Variants in KRR1 observed in about 807,000 individuals in gnomAD.
The protein encoded by KRR1 is KRR1 small subunit processome component homolog.
In KRR1, 23 loss-of-function variants were observed where a neutral mutation model predicts 50.0. The observed-to-expected ratio is 0.46, with a 90% CI of 0.33 to 0.65. KRR1 has a LOEUF of 0.65. Ranked by LOEUF, KRR1 falls within the 30% of genes least tolerant of loss-of-function variation. The pLI, the probability that KRR1 is intolerant of heterozygous loss-of-function variation, is 0.02. For missense variants in KRR1, 419 were observed against 442.4 expected (o/e 0.95, Z 0.47); for synonymous variants, 133 against 146.3 (o/e 0.91, Z 0.66).
chr12:75,499,619 T>G lies in KRR1; in HGVS notation c.*190A>C, dbSNP rs1056904. 87,140 of 345,396 alleles carry G rather than the reference T, an allele frequency of 0.25. 11,941 individuals carry two copies. Among genetic ancestry groups the G allele is most frequent in the South Asian group, 0.36 (5,236 of 14,694 alleles). 21.4% of individuals were successfully genotyped at this position (345,396 alleles called of 1,614,324 possible). On this transcript the variant is annotated 3_prime_UTR_variant, in exon 10 of 10. Transcript: ENST00000229214. ...ATGTATACAAAGACTTATATACCAC[T>G]TTCTCGTATAAATTTTTCAAAAAAT...
At position 75,494,446 on chromosome 12, in the gene KRR1, C is replaced by G. The variant is rs73356182; in HGVS notation, c.*5363G>C. The G allele has an allele frequency of 1.8e-4, 27 of 152,256 alleles. No homozygotes were observed. Among genetic ancestry groups the G allele is most frequent in the African/African-American group, 5.5e-4 (23 of 41,562 alleles). The allele number at this position is 152,256 out of a possible 1,614,324, so 9.4% of individuals were successfully genotyped here. On this transcript the variant is annotated 3_prime_UTR_variant, in exon 10 of 10. Coordinates refer to ENST00000229214, the MANE Select transcript of KRR1 (RefSeq NM_007043.7). ...CACATTCCACTTGCTGCAGAGAACTCAAAATATAGTTTGTGTTCATCACTG... is the reference window on the plus strand; with the variant it reads ...CACATTCCACTTGCTGCAGAGAACTGAAAATATAGTTTGTGTTCATCACTG...
In KRR1 at chr12:75,495,534, A is replaced by G. The variant is rs767924132; in HGVS notation, c.*4275T>C. ...ATTCATAGTAAATTGCAATTTTAAA[A>G]AACCGAAAAACTTCTAATGGACATC... On this transcript the variant is annotated 3_prime_UTR_variant, in exon 10 of 10. Coordinates refer to ENST00000229214, the MANE Select transcript of KRR1 (RefSeq NM_007043.7). 1 of 1,165,884 alleles carries G rather than the reference A, an allele frequency of 8.6e-7. No individual in the cohort carries two copies. Among genetic ancestry groups the G allele is most frequent in the Non-Finnish European group, 1.3e-6 (1 of 778,264 alleles). 72.2% of individuals were successfully genotyped at this position (1,165,884 alleles called of 1,614,324 possible).
chr12:75,494,366 A>G lies in KRR1; in HGVS notation c.*5443T>C, dbSNP rs1184029371. 1 of 152,212 alleles carries G rather than the reference A, an allele frequency of 6.6e-6. No homozygotes were observed. The highest frequency in any genetic ancestry group is 1.9e-4 in the East Asian group (1 of 5,194). 9.4% of individuals were successfully genotyped at this position (152,212 alleles called of 1,614,324 possible). On this transcript the variant is annotated 3_prime_UTR_variant, in exon 10 of 10. Coordinates refer to ENST00000229214, the MANE Select transcript of KRR1 (RefSeq NM_007043.7). The stretch of plus-strand genomic sequence containing the variant: ...AACACTCCACCATCATATTAGCAAT[A>G]AACGTGACTCTGACTTAGCAGTATC...
At chr12:75,500,460 TATTA>T (rs1461535105) in intron 9 of KRR1, 1 of 149,292 alleles carries the variant, frequency 6.7e-6, no homozygotes, top group Admixed American at 6.8e-5. Context: ...GTTTTCCAAA[TATTA>T]ATTCAATATT....
intron 1 of KRR1, among the ~76,000 whole-genome samples, chr12:75,509,927 A>C (rs983618531): frequency 6.6e-6 from 1 of 152,090 alleles, no homozygotes; most frequent in African/African-American, 2.4e-5. Flanking sequence ...TATCCAATTT[A>C]AACACTTCAA....
In KRR1 at chr12:75,495,834, TAAATGTGAA is replaced by T; in HGVS notation, c.*3966_*3974del. 1 of 439,404 alleles carries T rather than the reference TAAATGTGAA, an allele frequency of 2.3e-6. No individual in the cohort carries two copies. Among genetic ancestry groups the T allele is most frequent in the Non-Finnish European group, 4.2e-6 (1 of 240,436 alleles). The allele number at this position is 439,404 out of a possible 1,614,324, so 27.2% of individuals were successfully genotyped here. A position where few individuals can be genotyped will look rare whatever the true frequency, so the allele number is the denominator to read the frequency against. Reference sequence around the variant, plus strand: ...TCTAGGAATACATTTAAGAGAAATTTAAATGTGAAAATCACGTTCTTTTTATTTAGTTCT... The same window carrying T: ...TCTAGGAATACATTTAAGAGAAATTTAATCACGTTCTTTTTATTTAGTTCT... On this transcript the variant is annotated 3_prime_UTR_variant, in exon 10 of 10. Coordinates refer to ENST00000229214, the MANE Select transcript of KRR1 (RefSeq NM_007043.7).
In KRR1 at chr12:75,506,826, T is replaced by C; in HGVS notation, c.349A>G (p.Arg117Gly). Residue 117 changes from arginine (R) to glycine (G), a missense_variant, in exon 3 of 10, where the codon AGA becomes GGA. Coordinates refer to ENST00000229214, the MANE Select transcript of KRR1 (RefSeq NM_007043.7). ...CTTGCTAACAGTTTTATCAGATCTC[T>C]GGCCCTAATGATGATATATGGATCA... ...TFDPYIIIRA[R>G]DLIKLLARSV... 1 of 1,612,584 alleles carries C rather than the reference T, an allele frequency of 6.2e-7. No individual in the cohort carries two copies. Among genetic ancestry groups the C allele is most frequent in the Non-Finnish European group, 8.5e-7 (1 of 1,179,362 alleles).
rs936979200 is a variant in KRR1 at position 75,493,360 on chromosome 12, A to C, written c.*6449T>G. ...AAAGTTGTAGGCCCCCATTCCACAT[A>C]ATCTTAGGAAGTCCAGTATCCTCCT... On this transcript the variant is annotated 3_prime_UTR_variant, in exon 10 of 10. Coordinates refer to ENST00000229214, the MANE Select transcript of KRR1 (RefSeq NM_007043.7). 2 of 152,118 alleles carry C rather than the reference A, an allele frequency of 1.3e-5. No individual in the cohort carries two copies. Among genetic ancestry groups the C allele is most frequent in the Admixed American group, 1.3e-4 (2 of 15,268 alleles). 9.4% of individuals were successfully genotyped at this position (152,118 alleles called of 1,614,324 possible).
intron 5 of KRR1, 50 bp from the exon 6 acceptor site, chr12:75,505,304 A>T (rs763736822): frequency 6.5e-7 from 1 of 1,535,398 alleles, no homozygotes; most frequent in Non-Finnish European, 8.8e-7. Flanking sequence ...TTAATGAGCT[A>T]TGGAGAAGAG....
Position 75,498,199 on chromosome 12 carries a change from T to C in KRR1, c.*1610A>G, listed in dbSNP as rs980086302. The C allele has an allele frequency of 3.3e-5, 5 of 152,320 alleles. No homozygotes were observed. The highest frequency in any genetic ancestry group is 7.3e-5 in the Non-Finnish European group (5 of 68,174). 9.4% of individuals were successfully genotyped at this position (152,320 alleles called of 1,614,324 possible). On this transcript the variant is annotated 3_prime_UTR_variant, in exon 10 of 10. Coordinates refer to ENST00000229214, the MANE Select transcript of KRR1 (RefSeq NM_007043.7). ...CTGATTGTCAAAATTTGAATAAAGC[T>C]CAGTGAAAGGAGGACAGTAATTAAT...
chr12:75,508,551 A>T (rs1287894962), intron 1 of KRR1, 105 bp from the exon 2 acceptor site: 1 of 719,536 alleles, frequency 1.4e-6, no homozygotes, highest in Non-Finnish European at 2.2e-6. Context: ...CTATGCACAT[A>T]TTCACAAACC....
intron 2 of KRR1, among the ~76,000 whole-genome samples, 174 bp downstream of exon 2, chr12:75,508,099 AT>A (rs2046430734): frequency 6.6e-6 from 1 of 152,198 alleles, no homozygotes; most frequent in Non-Finnish European, 1.5e-5. Flanking sequence ...ATTAAAACAA[AT>A]GAACATTAGG....
intron 6 of KRR1, 94 bp from the exon 7 acceptor site, chr12:75,504,168 A>G: frequency 1.2e-6 from 1 of 819,866 alleles, no homozygotes; most frequent in Non-Finnish European, 1.8e-6. Context: ...TAAATAATAA[A>G]AGAAACAGTT....
intron 5 of KRR1, among the ~76,000 whole-genome samples, chr12:75,505,496 C>T (rs2046418016): frequency 6.6e-6 from 1 of 152,046 alleles, no homozygotes; most frequent in Admixed American, 6.6e-5. Context: ...TAATACAACA[C>T]TCTAAAGCAA....
At chr12:75,506,974 A>C (rs2046425624) in intron 2 of KRR1, 58 bp from the exon 3 acceptor site, 2 of 1,465,188 alleles carry the variant, frequency 1.4e-6, no homozygotes, top group Non-Finnish European at 1.8e-6. Flanking sequence ...TTAGATAATT[A>C]TAAAGCCTCT....
At position 75,496,929 on chromosome 12, in the gene KRR1, A is replaced by ACT. The variant is rs1390367904; in HGVS notation, c.*2878_*2879dup. On this transcript the variant is annotated 3_prime_UTR_variant, in exon 10 of 10. Transcript: ENST00000229214. Reference sequence around the variant, plus strand: ...TCCCAGTCCAATCATTCTTTATTTCACTTATATCACTCTTGTGAAGAAAAG... The same window carrying ACT: ...TCCCAGTCCAATCATTCTTTATTTCACTCTTATATCACTCTTGTGAAGAAAAG... 5 of 152,214 alleles carry ACT rather than the reference A, an allele frequency of 3.3e-5. No individual in the cohort carries two copies. Among genetic ancestry groups the ACT allele is most frequent in the Non-Finnish European group, 5.9e-5 (4 of 67,996 alleles). 9.4% of individuals were successfully genotyped at this position (152,214 alleles called of 1,614,324 possible). A position where few individuals can be genotyped will look rare whatever the true frequency, so the allele number is the denominator to read the frequency against.
In KRR1 at chr12:75,499,852, A is replaced by C. The variant is rs772040272; in HGVS notation, c.1103T>G (p.Leu368Arg). The stretch of plus-strand genomic sequence containing the variant: ...TTTCTTTTCATCTGCCTCCATCTTA[A>C]GTGCAATTTCTTCAGCTGTAAGAGC... ...LGALTAEEIA[L>R]KMEADEKKKK... The change falls in exon 10 of 10, where the codon CTT becomes CGT. Residue 368 changes from leucine to arginine, a missense_variant. Coordinates refer to ENST00000229214, the MANE Select transcript of KRR1 (RefSeq NM_007043.7). The C allele has an allele frequency of 6.2e-7, 1 of 1,607,986 alleles. No individual in the cohort carries two copies. Among genetic ancestry groups the C allele is most frequent in the Admixed American group, 1.7e-5 (1 of 59,520 alleles).
chr12:75,501,853 AT>A, intron 8 of KRR1, 37 bp from the exon 9 acceptor site: 10 of 1,575,500 alleles, frequency 6.3e-6, no homozygotes, highest in Non-Finnish European at 8.7e-6. Context: ...AGTTAAATGT[AT>A]TTATAGTTAA....
At chr12:75,501,480 C>G in intron 9 of KRR1, 1 of 400,602 alleles carries the variant, frequency 2.5e-6, no homozygotes, top group Non-Finnish European at 4.5e-6. Context: ...AACAAAGAGT[C>G]TTTTCCAAGC....
Sources: gnomAD v4.1 joint callset for allele counts (sites outside exome capture counted in the v4.1 genomes callset) on GRCh38, gnomAD v4.1.1 for gene constraint, MANE v1.5 for transcripts, NCBI Gene and HGNC (gene_info 2026-07-23, HGNC 2026-07-21) for gene names.